Variants in ADAMTS12 observed in about 807,000 individuals in gnomAD.
The protein encoded by ADAMTS12 is ADAM metallopeptidase with thrombospondin type 1 motif 12.
ADAMTS12 carries 118 observed loss-of-function variants against 167.8 expected under a neutral mutation model. The ratio of observed to expected loss-of-function variants is 0.70; its 90% CI spans 0.61 to 0.82. The LOEUF (loss-of-function observed/expected upper bound fraction) is 0.82. Among genes scored for constraint, ADAMTS12 ranks in the 40% least tolerant of loss-of-function variants. The probability of loss-of-function intolerance (pLI) is 0.00; values close to 1 mark genes in which losing one functional copy is unlikely to be tolerated. For missense variants in ADAMTS12, 1,916 were observed against 1,998.8 expected (o/e 0.96, Z 0.79); for synonymous variants, 704 against 716.9 (o/e 0.98, Z 0.29).
rs202100774 is a variant in ADAMTS12 at position 33,636,988 on chromosome 5, A to C, written c.1888+589T>G. Among the ~76,000 whole-genome samples the C allele has an allele frequency of 3.9e-5, 6 of 152,084 alleles. No homozygotes were observed. In the East Asian group the frequency reaches 1.2e-3, roughly 29 times the overall value. On this transcript the variant is annotated intron_variant, in intron 12 of 23. Coordinates refer to ENST00000504830, the MANE Select transcript of ADAMTS12 (RefSeq NM_030955.4). ...CCTTCTCATACTCCAGTACATATAA[A>C]ATGTTGACTTCTGTTGCAGAGCTGG...
intron 3 of ADAMTS12, among the ~76,000 whole-genome samples, chr5:33,702,413 C>T (rs1743036373): frequency 6.6e-6 from 1 of 152,194 alleles, no homozygotes; most frequent in Non-Finnish European, 1.5e-5. Flanking sequence ...TCTGAGTTCT[C>T]TTACTGAATA....
intron 19 of ADAMTS12, among the ~76,000 whole-genome samples, chr5:33,569,789 A>G (rs555195018): frequency 6.6e-6 from 1 of 152,342 alleles, no homozygotes; most frequent in South Asian, 2.1e-4. Flanking sequence ...CAGACGATCA[A>G]ACTACTCTGA....
At chr5:33,690,070 A>C (rs1030886384) in intron 3 of ADAMTS12, among the ~76,000 whole-genome samples, 1 of 152,122 alleles carries the variant, frequency 6.6e-6, no homozygotes, top group African/African-American at 2.4e-5. Context: ...ACTACCACAC[A>C]CTTGCACCCA....
intron 2 of ADAMTS12, among the ~76,000 whole-genome samples, chr5:33,874,799 G>T (rs578021025): frequency 6.6e-6 from 1 of 152,358 alleles, no homozygotes; most frequent in Admixed American, 6.5e-5. Flanking sequence ...GCTGGGTGCA[G>T]TGGCTCACAC....
intron 3 of ADAMTS12, among the ~76,000 whole-genome samples, chr5:33,744,878 G>A (rs2112378897): frequency 6.6e-6 from 1 of 152,290 alleles, no homozygotes; most frequent in Admixed American, 6.5e-5. Flanking sequence ...GCAGCAGCAT[G>A]ATTATAGCTC....
chr5:33,707,861 C>T (rs1743256075), intron 3 of ADAMTS12, among the ~76,000 whole-genome samples: 3 of 152,116 alleles, frequency 2.0e-5, no homozygotes, highest in African/African-American at 7.2e-5. Flanking sequence ...TAGAAGAAAC[C>T]TAGGCAATAC....
chr5:33,881,521 G>A (rs764665252), intron 1 of ADAMTS12, 41 bp from the exon 2 acceptor site: 3 of 1,581,404 alleles, frequency 1.9e-6, no homozygotes, highest in Admixed American at 1.8e-5. Context: ...GAGGGAGATT[G>A]GTAGTAAAGC....
intron 3 of ADAMTS12, among the ~76,000 whole-genome samples, chr5:33,742,607 T>C (rs185130378): frequency 2.3e-4 from 35 of 152,318 alleles, no homozygotes; most frequent in South Asian, 1.0e-3. Context: ...CATTTACTCA[T>C]GCAATTAATT....
chr5:33,844,084 C>T (rs937978232), intron 2 of ADAMTS12, among the ~76,000 whole-genome samples: 3 of 152,120 alleles, frequency 2.0e-5, no homozygotes, highest in East Asian at 1.9e-4. Flanking sequence ...CCAATCAATA[C>T]CCTTGTGATT....
chr5:33,691,995 G>C (rs1742564392), intron 3 of ADAMTS12, among the ~76,000 whole-genome samples: 1 of 152,212 alleles, frequency 6.6e-6, no homozygotes, highest in Non-Finnish European at 1.5e-5. Flanking sequence ...TCTGTTGTTT[G>C]CATCAAGTCC....
At chr5:33,624,599 G>A (rs1739492644) in intron 13 of ADAMTS12, among the ~76,000 whole-genome samples, 1 of 152,184 alleles carries the variant, frequency 6.6e-6, no homozygotes, top group South Asian at 2.1e-4. Context: ...CGAGTCAGAG[G>A]CAGAACTGAA....
intron 2 of ADAMTS12, among the ~76,000 whole-genome samples, chr5:33,798,176 C>G (rs1173118699): frequency 1.3e-5 from 2 of 151,648 alleles, no homozygotes; most frequent in African/African-American, 4.9e-5. Flanking sequence ...TGCCTACTTA[C>G]ACTCTCATGA....
intron 14 of ADAMTS12, 148 bp downstream of exon 14, chr5:33,624,083 T>G: frequency 1.6e-6 from 2 of 1,243,430 alleles, no homozygotes; most frequent in Non-Finnish European, 2.2e-6. Context: ...CCTTCCTCCT[T>G]TGTGGTAAAG....
chr5:33,772,978 G>T (rs1045624226), intron 2 of ADAMTS12, among the ~76,000 whole-genome samples: 1 of 152,212 alleles, frequency 6.6e-6, no homozygotes, highest in Non-Finnish European at 1.5e-5. Context: ...TGTGATCTGC[G>T]TCTTGGAGAA....
Position 33,827,680 on chromosome 5 carries a change from C to T in ADAMTS12, c.489+53439G>A, listed in dbSNP as rs138939587. Among the ~76,000 whole-genome samples, 17 of 151,056 alleles carry T rather than the reference C, an allele frequency of 1.1e-4. No individual in the cohort carries two copies. In the East Asian group the frequency reaches 2.1e-3, roughly 19 times the overall value. ...TCTGTTGTGCTTTGACATGTATCCT[C>T]GCATTTGGATATGTCCTTGGAGAAA... On this transcript the variant is annotated intron_variant, in intron 2 of 23. Transcript: ENST00000504830.
chr5:33,606,510 G>T (rs1047072840), intron 16 of ADAMTS12, among the ~76,000 whole-genome samples: 1 of 152,218 alleles, frequency 6.6e-6, no homozygotes, highest in African/African-American at 2.4e-5. Flanking sequence ...TTGCCTTCAT[G>T]CACAGACCAC....
At chr5:33,663,829 T>C (rs1042713330) in intron 5 of ADAMTS12, among the ~76,000 whole-genome samples, 2 of 152,230 alleles carry the variant, frequency 1.3e-5, no homozygotes, top group African/African-American at 2.4e-5. Flanking sequence ...TTCTTTGTTA[T>C]GTTTTGGGAG....
chr5:33,872,990 AG>A (rs1020499914), intron 2 of ADAMTS12, among the ~76,000 whole-genome samples: 5 of 152,204 alleles, frequency 3.3e-5, no homozygotes, highest in African/African-American at 4.8e-5. Context: ...AGAATCTAGA[AG>A]CTTTCCCACT....
At chr5:33,856,986 A>G (rs1749424623) in intron 2 of ADAMTS12, among the ~76,000 whole-genome samples, 4 of 152,252 alleles carry the variant, frequency 2.6e-5, no homozygotes. Flanking sequence ...TAGCCAAGAT[A>G]TGGAAACAGC....
Sources: allele counts gnomAD v4.1 joint callset (sites outside exome capture counted in the v4.1 genomes callset), GRCh38; gene constraint gnomAD v4.1.1; transcripts MANE v1.5; gene names NCBI Gene and HGNC (gene_info 2026-07-23, HGNC 2026-07-21).